C7orf33: variants seen among roughly 807,000 people sequenced by gnomAD.
The protein encoded by C7orf33 is uncharacterized protein C7orf33.
Under a neutral mutation model 13.4 loss-of-function variants are expected in C7orf33, and 15 were observed. The observed-to-expected ratio is 1.12, with a 90% confidence interval of 0.75 to 1.72. C7orf33 has a LOEUF of 1.72. C7orf33 is among the 40% of genes most tolerant of loss of function. The pLI is 0.00. For synonymous variants in C7orf33, 73 were observed against 83.2 expected (o/e 0.88, Z 0.67); for missense variants, 187 against 220.3 (o/e 0.85, Z 0.96).
chr7:148,610,264 G>T (rs1796522688), intron 1 of C7orf33, among the ~76,000 whole-genome samples: 1 of 152,154 alleles, frequency 6.6e-6, no homozygotes, highest in African/African-American at 2.4e-5. Context: ...GTTGCCAAAG[G>T]AGATTAACTT....
chr7:148,613,772 C>T (rs888147818), intron 1 of C7orf33, among the ~76,000 whole-genome samples: 4 of 152,066 alleles, frequency 2.6e-5, no homozygotes, highest in East Asian at 1.9e-4. Context: ...ATACTGATAA[C>T]CACTGTAAAC....
rs547932420 is a variant in C7orf33 at position 148,603,251 on chromosome 7, G to A, written c.205-10791G>A. Among the ~76,000 whole-genome samples the A allele has an allele frequency of 3.9e-5, 6 of 152,200 alleles. No individual in the cohort carries two copies. In the East Asian group the frequency reaches 1.2e-3, roughly 29 times the overall value. On this transcript the variant is annotated intron_variant, in intron 1 of 2. Coordinates refer to ENST00000307003, the MANE Select transcript of C7orf33 (RefSeq NM_145304.4). The stretch of plus-strand genomic sequence containing the variant: ...CTTGCTCAGGATGGGGGAAATCTCA[G>A]AAGAGCTCTGAGACCAGGCTGATCT...
At chr7:148,595,268 G>C (rs569211473) in intron 1 of C7orf33, among the ~76,000 whole-genome samples, 1 of 137,666 alleles carries the variant, frequency 7.3e-6, no homozygotes, top group African/African-American at 2.7e-5. Context: ...ATAATATAGA[G>C]ATATCTATAT....
At chr7:148,599,077 G>C (rs951118934) in intron 1 of C7orf33, among the ~76,000 whole-genome samples, 5 of 151,900 alleles carry the variant, frequency 3.3e-5, no homozygotes, top group Admixed American at 1.3e-4. Flanking sequence ...TGGCCAGGCT[G>C]GTCTCAAACT....
In C7orf33 at chr7:148,590,991, T is replaced by C; in HGVS notation, c.66T>C (p.Cys22=). The change falls in exon 1 of 3, where the codon TGT becomes TGC. Residue 22 remains cysteine, a synonymous_variant. Coordinates refer to ENST00000307003, the MANE Select transcript of C7orf33 (RefSeq NM_145304.4). ...ECPWRLPGPQ[C]ECEALLPSGA... Reference sequence around the variant, plus strand: ...CCTGGAGACTTCCAGGCCCCCAATGTGAATGTGAAGCCCTCCTGCCCAGTG... The same window carrying C: ...CCTGGAGACTTCCAGGCCCCCAATGCGAATGTGAAGCCCTCCTGCCCAGTG... 2 of 1,614,090 alleles carry C rather than the reference T, an allele frequency of 1.2e-6. No individual in the cohort carries two copies. The highest frequency in any genetic ancestry group is 1.7e-6 in the Non-Finnish European group (2 of 1,180,006).
intron 1 of C7orf33, among the ~76,000 whole-genome samples, chr7:148,597,696 T>C (rs1426116143): frequency 6.6e-6 from 1 of 152,154 alleles, no homozygotes; most frequent in African/African-American, 2.4e-5. Flanking sequence ...TAACCATTAT[T>C]CTGAATTCAT....
intron 1 of C7orf33, among the ~76,000 whole-genome samples, chr7:148,608,697 C>T (rs1450233903): frequency 3.3e-5 from 5 of 151,840 alleles, no homozygotes; most frequent in Middle Eastern, 3.4e-3. Context: ...TGCCTGTAGT[C>T]CCAGCTACTC....
Position 148,607,736 on chromosome 7 carries a change from A to G in C7orf33, c.205-6306A>G, listed in dbSNP as rs185920752. On this transcript the variant is annotated intron_variant, in intron 1 of 2. Coordinates refer to ENST00000307003, the MANE Select transcript of C7orf33 (RefSeq NM_145304.4). ...AGGATATTTTCACTTAGGAATCACC[A>G]ACAAACGTATTTTTTGTCTGTTACC... is the stretch of plus-strand genomic sequence containing the variant. 6.6e-5 allele frequency among the ~76,000 whole-genome samples: 10 copies of G among 152,336 alleles called. No individual in the cohort carries two copies. The East Asian group carries it at 1.9e-3, about 29-fold the overall frequency.
chr7:148,595,521 A>AT (rs1377157562), intron 1 of C7orf33, among the ~76,000 whole-genome samples: 1 of 132,604 alleles, frequency 7.5e-6, no homozygotes, highest in East Asian at 2.0e-4. Context: ...ATATAGCTAT[A>AT]GTATATATAA....
chr7:148,591,468 G>A (rs1279399619), intron 1 of C7orf33, among the ~76,000 whole-genome samples: 1 of 152,188 alleles, frequency 6.6e-6, no homozygotes, highest in Non-Finnish European at 1.5e-5. Context: ...GTTTTGCCCT[G>A]GAGATGGGTC....
At chr7:148,609,160 C>T (rs996851638) in intron 1 of C7orf33, among the ~76,000 whole-genome samples, 1 of 146,670 alleles carries the variant, frequency 6.8e-6, no homozygotes, top group African/African-American at 2.5e-5. Context: ...AGCACATCAA[C>T]AAGATTCTGG....
Position 148,615,470 on chromosome 7 carries a change from A to G in C7orf33, c.*69A>G, listed in dbSNP as rs1796592691. ...ATTGTGAAATCTCTTCTTGCAAGAA[A>G]AAAGAGAAATAGCTGAAGTTCTGGA... On this transcript the variant is annotated 3_prime_UTR_variant, in exon 3 of 3. Coordinates refer to ENST00000307003, the MANE Select transcript of C7orf33 (RefSeq NM_145304.4). 1 of 1,019,220 alleles carries G rather than the reference A, an allele frequency of 9.8e-7. No homozygotes were observed. The highest frequency in any genetic ancestry group is 1.3e-5 in the South Asian group (1 of 76,108). 63.1% of individuals were successfully genotyped at this position (1,019,220 alleles called of 1,614,324 possible).
intron 1 of C7orf33, among the ~76,000 whole-genome samples, chr7:148,594,708 G>C (rs1002032424): frequency 1.3e-5 from 2 of 152,038 alleles, no homozygotes; most frequent in African/African-American, 2.4e-5. Context: ...AAACCAAATG[G>C]TTTAGGGAAA....
chr7:148,608,730 T>C (rs1159236190), intron 1 of C7orf33, among the ~76,000 whole-genome samples: 1 of 151,816 alleles, frequency 6.6e-6, no homozygotes, highest in African/African-American at 2.4e-5. Flanking sequence ...GGCAGGAGAA[T>C]CGCTTGAACC....
chr7:148,610,528 T>C (rs1585465603), intron 1 of C7orf33, among the ~76,000 whole-genome samples: 1 of 152,300 alleles, frequency 6.6e-6, no homozygotes, highest in East Asian at 1.9e-4. Context: ...TTGTGGAGCC[T>C]TGTGAGCATG....
Position 148,613,978 on chromosome 7 carries a change from T to G in C7orf33, c.205-64T>G, listed in dbSNP as rs529526651. On this transcript the variant is annotated intron_variant, in intron 1 of 2. Transcript: ENST00000307003. ...CAAAAGAAATGTGAGAACAAATTAGTAGCTTACTGATCACCATCTTTCCAC... is the reference window on the plus strand; with the variant it reads ...CAAAAGAAATGTGAGAACAAATTAGGAGCTTACTGATCACCATCTTTCCAC... The G allele has an allele frequency of 4.0e-4, 618 of 1,526,080 alleles. 6 individuals carry two copies. In the South Asian group the frequency reaches 7.1e-3, roughly 17 times the overall value. 94.5% of individuals were successfully genotyped at this position (1,526,080 alleles called of 1,614,324 possible). A position where few individuals can be genotyped will look rare whatever the true frequency, so the allele number is the denominator to read the frequency against.
intron 1 of C7orf33, among the ~76,000 whole-genome samples, chr7:148,595,696 A>C (rs1477043576): frequency 2.9e-5 from 4 of 136,084 alleles, no homozygotes; most frequent in South Asian, 2.2e-4. Context: ...TATATTATAT[A>C]GATATACATA....
intron 1 of C7orf33, among the ~76,000 whole-genome samples, chr7:148,597,829 T>C (rs564788564): frequency 9.5e-4 from 144 of 152,094 alleles, no homozygotes; most frequent in East Asian, 3.5e-3. Context: ...GATCTCAGCT[T>C]ACTGCAAGCT....
intron 1 of C7orf33, among the ~76,000 whole-genome samples, chr7:148,598,949 G>A (rs1490642897): frequency 5.3e-5 from 8 of 150,872 alleles, no homozygotes; most frequent in Admixed American, 6.6e-5. Context: ...TGCAACCTCC[G>A]CCTCCCAGGT....
Sources: gnomAD v4.1 joint callset for allele counts (sites outside exome capture counted in the v4.1 genomes callset) on GRCh38, gnomAD v4.1.1 for gene constraint, MANE v1.5 for transcripts, NCBI Gene and HGNC (gene_info 2026-07-23, HGNC 2026-07-21) for gene names.